The following CIDEA variants were observed in gnomAD, a reference collection of about 807,000 sequenced individuals.
CIDEA encodes lipid transferase CIDEA.
CIDEA carries 10 observed loss-of-function variants against 18.2 expected under a neutral mutation model. The ratio of observed to expected loss-of-function variants is 0.55; its 90% confidence interval spans 0.34 to 0.93. The LOEUF (loss-of-function observed/expected upper bound fraction) is 0.93. Among genes scored for constraint, CIDEA ranks in the 40% least tolerant of loss-of-function variants. The pLI is 0.02. For synonymous variants in CIDEA, 128 were observed against 124.8 expected (o/e 1.03, Z -0.17); for missense variants, 309 against 293.1 (o/e 1.05, Z -0.40).
In CIDEA at chr18:12,274,068, C is replaced by T. The variant is rs114292246; in HGVS notation, c.331-25C>T. The T allele has an allele frequency of 6.5e-4, 1,048 of 1,612,898 alleles. 8 individuals carry two copies. The African/African-American group carries it at 0.011, about 17-fold the overall frequency. ...GGGAGGGTTAGGAAGGCTCCTGAAG[C>T]CTGCCCCTCCCCCCATTGTCACAGG... is the stretch of plus-strand genomic sequence containing the variant. On this transcript the variant is annotated intron_variant, in intron 3 of 4. Coordinates refer to ENST00000320477, the MANE Select transcript of CIDEA (RefSeq NM_001279.4).
At chr18:12,269,446 A>C (rs961074086) in intron 3 of CIDEA, among the ~76,000 whole-genome samples, 7 of 152,226 alleles carry the variant, frequency 4.6e-5, no homozygotes, top group African/African-American at 1.7e-4. Flanking sequence ...GTTTTCAGAA[A>C]GGTCAGATGC....
intron 3 of CIDEA, among the ~76,000 whole-genome samples, chr18:12,268,786 T>G (rs188322562): frequency 3.3e-5 from 5 of 152,252 alleles, no homozygotes; most frequent in African/African-American, 1.2e-4. Context: ...AAATAGGTAT[T>G]AATTCATTAA....
intron 3 of CIDEA, among the ~76,000 whole-genome samples, chr18:12,271,946 A>AC (rs534218767): frequency 6.6e-6 from 1 of 152,188 alleles, no homozygotes; most frequent in South Asian, 2.1e-4. Context: ...AAGACTGGAG[A>AC]CATTTAGGGA....
chr18:12,256,081 C>A (rs748610747), intron 1 of CIDEA, among the ~76,000 whole-genome samples: 5 of 152,060 alleles, frequency 3.3e-5, no homozygotes, highest in Non-Finnish European at 7.4e-5. Flanking sequence ...TCTACCTGCT[C>A]CCAGGCTGGA....
At chr18:12,274,495 C>G (rs925774755) in intron 4 of CIDEA, among the ~76,000 whole-genome samples, 2 of 152,204 alleles carry the variant, frequency 1.3e-5, no homozygotes, top group African/African-American at 2.4e-5. Flanking sequence ...AGACCACTAA[C>G]TATTCATTAG....
intron 1 of CIDEA, chr18:12,254,652 C>T: frequency 6.5e-7 from 1 of 1,528,092 alleles, no homozygotes; most frequent in South Asian, 1.2e-5. Context: ...GCCTCCTCAC[C>T]CTCTTGCAGC....
chr18:12,263,243 G>T (rs902548022), intron 2 of CIDEA, among the ~76,000 whole-genome samples: 1 of 152,194 alleles, frequency 6.6e-6, no homozygotes, highest in Admixed American at 6.5e-5. Context: ...CCTCCCAAGT[G>T]CATGCCAGTT....
intron 4 of CIDEA, among the ~76,000 whole-genome samples, chr18:12,276,584 A>G (rs1180393846): frequency 1.3e-5 from 2 of 152,212 alleles, no homozygotes; most frequent in Admixed American, 6.5e-5. Flanking sequence ...ACCGCCTGCT[A>G]GGGACCCTGT....
chr18:12,257,405 A>G (rs921402770), intron 1 of CIDEA, among the ~76,000 whole-genome samples: 1 of 151,984 alleles, frequency 6.6e-6, no homozygotes, highest in African/African-American at 2.4e-5. Context: ...AGACCTTAAT[A>G]CTGGGCCCTT....
intron 1 of CIDEA, chr18:12,254,676 C>T: frequency 6.6e-7 from 1 of 1,522,184 alleles, no homozygotes; most frequent in East Asian, 2.6e-5. Flanking sequence ...GCACAGGTAC[C>T]AGGTGTGGCT....
In CIDEA at chr18:12,277,174, C is replaced by G. The variant is rs1185681106; in HGVS notation, c.564C>G (p.Leu188=). The change falls in exon 5 of 5, where the codon CTC becomes CTG. Residue 188 remains leucine (L), a synonymous_variant. Transcript: ENST00000320477. The part of the protein sequence containing the change: ...SYSAQVTGQF[L]IYLGTYMLRV... The stretch of plus-strand genomic sequence containing the variant: ...CCGCCCAGGTGACGGGACAGTTTCT[C>G]ATCTATCTGGGCACATACATGCTCC... The G allele has an allele frequency of 1.2e-6, 2 of 1,614,084 alleles. No individual in the cohort carries two copies. Among genetic ancestry groups the G allele is most frequent in the Admixed American group, 3.3e-5 (2 of 59,994 alleles).
intron 3 of CIDEA, among the ~76,000 whole-genome samples, chr18:12,269,715 TC>T (rs1490462534): frequency 6.6e-6 from 1 of 152,158 alleles, no homozygotes; most frequent in African/African-American, 2.4e-5. Context: ...TTCTTTTTTT[TC>T]GAGGCAGGGT....
At chr18:12,271,447 C>A (rs760736062) in intron 3 of CIDEA, among the ~76,000 whole-genome samples, 66 of 152,360 alleles carry the variant, frequency 4.3e-4, no homozygotes, top group Non-Finnish European at 9.0e-4. Context: ...CCGCAGCCCC[C>A]ACGGCGGCCC....
chr18:12,261,330 A>AACCATTCCAGTCTGGGCAACAG (rs1912184615), intron 1 of CIDEA, among the ~76,000 whole-genome samples: 5 of 152,158 alleles, frequency 3.3e-5, no homozygotes, highest in Admixed American at 3.3e-4. Flanking sequence ...GAATCGCTTG[A>AACCATTCCAGTCTGGGCAACAG]ACCATTCCAG....
In CIDEA at chr18:12,267,327, G is replaced by A. The variant is rs1008275819; in HGVS notation, c.330+2874G>A. On this transcript the variant is annotated intron_variant, in intron 3 of 4. Coordinates refer to ENST00000320477, the MANE Select transcript of CIDEA (RefSeq NM_001279.4). ...ACACACGTGTGCCCAGCACATAGAA[G>A]TACTTCTAAGTAAATACACACGAAG... is the stretch of plus-strand genomic sequence containing the variant. Among the ~76,000 whole-genome samples, 3 of 152,234 alleles carry A rather than the reference G, an allele frequency of 2.0e-5. No homozygotes were observed. The East Asian group carries it at 5.8e-4, about 29-fold the overall frequency.
Position 12,277,103 on chromosome 18 carries a change from C to T in CIDEA, c.513-20C>T, listed in dbSNP as rs745358768. On this transcript the variant is annotated intron_variant, in intron 4 of 4. Coordinates refer to ENST00000320477, the MANE Select transcript of CIDEA (RefSeq NM_001279.4). ...GCCCAAAATCCCAAGCTAAAGCCTC[C>T]CCATCTGCCTCTGCCACAGGAGTCT... 27 of 1,612,688 alleles carry T rather than the reference C, an allele frequency of 1.7e-5. No individual in the cohort carries two copies. The highest frequency in any genetic ancestry group is 2.3e-5 in the Non-Finnish European group (27 of 1,179,082).
chr18:12,257,821 C>T (rs949258115), intron 1 of CIDEA, among the ~76,000 whole-genome samples: 2 of 152,158 alleles, frequency 1.3e-5, no homozygotes, highest in Admixed American at 6.5e-5. Flanking sequence ...GATCCTAGGG[C>T]CGCTCAGTGG....
Position 12,264,403 on chromosome 18 carries a change from G to A in CIDEA, c.280G>A (p.Gly94Arg). 8.7e-6 allele frequency: 14 copies of A among 1,614,050 alleles called. No homozygotes were observed. Among genetic ancestry groups the A allele is most frequent in the Non-Finnish European group, 1.2e-5 (14 of 1,179,954 alleles). Residue 94 changes from glycine to arginine, a missense_variant, in exon 3 of 5, where the codon GGA becomes AGA. Coordinates refer to ENST00000320477, the MANE Select transcript of CIDEA (RefSeq NM_001279.4). ...CACAGAAGAGTTCTTTCAGACCTTG[G>A]GAGACAACACGCATTTCATGATCTT... Reference protein sequence around the residue: ...VDTEEFFQTLGDNTHFMILEK... With the variant: ...VDTEEFFQTLRDNTHFMILEK...
intron 3 of CIDEA, among the ~76,000 whole-genome samples, chr18:12,271,651 G>A (rs2144083067): frequency 6.6e-6 from 1 of 152,356 alleles, no homozygotes; most frequent in East Asian, 1.9e-4. Context: ...AGGGCAGGGT[G>A]GTGGGGGCGG....
Sources: gnomAD v4.1 joint callset for allele counts (sites outside exome capture counted in the v4.1 genomes callset) on GRCh38, gnomAD v4.1.1 for gene constraint, MANE v1.5 for transcripts, NCBI Gene and HGNC (gene_info 2026-07-23, HGNC 2026-07-21) for gene names.